Variants in LRRC7 observed in about 807,000 individuals in gnomAD.
LRRC7 encodes the protein leucine rich repeat containing 7, also known as leucine-rich repeat-containing protein 7.
LRRC7 carries 23 observed loss-of-function variants against 175.7 expected under a neutral mutation model. The observed-to-expected ratio is 0.13, with a 90% confidence interval of 0.09 to 0.19. The LOEUF (loss-of-function observed/expected upper bound fraction) is 0.19, where lower values mean the gene tolerates loss of function less well. Ranked by LOEUF, LRRC7 falls within the 10% of genes least tolerant of loss-of-function variation. The pLI is 1.00. For missense variants in LRRC7, 1,354 were observed against 1,904.7 expected (o/e 0.71, Z 5.38); for synonymous variants, 685 against 680.9 (o/e 1.01, Z -0.09).
intron 2 of LRRC7, among the ~76,000 whole-genome samples, chr1:69,718,867 G>A (rs1666043941): frequency 6.6e-6 from 1 of 151,800 alleles, no homozygotes. Flanking sequence ...TTTGGATATT[G>A]CAATTAGTCA....
At chr1:69,984,383 G>A (rs1192690877) in intron 9 of LRRC7, among the ~76,000 whole-genome samples, 1 of 152,134 alleles carries the variant, frequency 6.6e-6, no homozygotes, top group East Asian at 1.9e-4. Flanking sequence ...ATAAATTTAT[G>A]TATTTATTGT....
In LRRC7 at chr1:70,121,877, T is replaced by C. The variant is rs746947342; in HGVS notation, c.4718T>C (p.Leu1573Pro). The C allele has an allele frequency of 2.5e-6, 4 of 1,595,756 alleles. No homozygotes were observed. In the South Asian group the frequency reaches 3.3e-5, roughly 13 times the overall value. The change falls in exon 27 of 27, where the codon CTT becomes CCT. Residue 1573 changes from leucine to proline, a missense_variant. Transcript: ENST00000651989. ...NTVDLVIQRE[L>P]TV ...GTAGACCTAGTTATTCAACGTGAGC[T>C]TACTGTCTAAATATTTTTTATAAAT...
In LRRC7 at chr1:69,583,039, TAAAC is replaced by T. The variant is rs202190471; in HGVS notation, c.2+14400_2+14403del. 2.1e-3 allele frequency among the ~76,000 whole-genome samples: 313 copies of T among 152,140 alleles called. 1 individual carries two copies. In the East Asian group the frequency reaches 0.028, roughly 14 times the overall value. ...CTAAACAAATCAGTTTTAGTTTGGT[TAAAC>T]AGTTTCTTTCAAGCACTGAAGTTTA... is the stretch of plus-strand genomic sequence containing the variant. On this transcript the variant is annotated intron_variant, in intron 1 of 26. Transcript: ENST00000651989.
chr1:69,742,177 G>GT lies in LRRC7; in HGVS notation c.101-18013dup, dbSNP rs764048636. 5.9e-5 allele frequency among the ~76,000 whole-genome samples: 9 copies of GT among 152,100 alleles called. No individual in the cohort carries two copies. The East Asian group carries it at 1.7e-3, about 29-fold the overall frequency. ...GTGAGTACATGAAATAATTGGAATTGTAAGTATTACTTTTGGAGAAGATAT... is the reference window on the plus strand; with the variant it reads ...GTGAGTACATGAAATAATTGGAATTGTTAAGTATTACTTTTGGAGAAGATAT... On this transcript the variant is annotated intron_variant, in intron 2 of 26. Transcript: ENST00000651989.
intron 2 of LRRC7, among the ~76,000 whole-genome samples, chr1:69,689,995 A>C (rs1015235660): frequency 6.6e-6 from 1 of 152,168 alleles, no homozygotes; most frequent in Non-Finnish European, 1.5e-5. Flanking sequence ...AGTTAATGCA[A>C]ATTTGGTACC....
At position 70,105,415 on chromosome 1, in the gene LRRC7, T is replaced by TA. The variant is rs558523671; in HGVS notation, c.4546-2328dup. Among the ~76,000 whole-genome samples the TA allele has an allele frequency of 2.6e-3, 396 of 151,470 alleles. 1 individual carries two copies. Among genetic ancestry groups the TA allele is most frequent in the Middle Eastern group, 0.024 (7 of 294 alleles). On this transcript the variant is annotated intron_variant, in intron 25 of 26. Coordinates refer to ENST00000651989, the MANE Select transcript of LRRC7 (RefSeq NM_001370785.2). The stretch of plus-strand genomic sequence containing the variant: ...ATAAGAAAACACAAATAAGGAAAAA[T>TA]AAAAAAAAATCTGATGTCCCATTAC...
At chr1:70,048,465 G>C (rs968074636) in intron 22 of LRRC7, among the ~76,000 whole-genome samples, 4 of 152,014 alleles carry the variant, frequency 2.6e-5, no homozygotes, top group Non-Finnish European at 5.9e-5. Flanking sequence ...ATCTGCTTCT[G>C]CCTGGTGCCC....
chr1:69,666,833 T>G (rs1465532368), intron 1 of LRRC7, among the ~76,000 whole-genome samples: 1 of 152,106 alleles, frequency 6.6e-6, no homozygotes, highest in Non-Finnish European at 1.5e-5. Flanking sequence ...TTTTATTATG[T>G]CTTTTCTTCT....
intron 1 of LRRC7, chr1:69,606,792 C>G (rs1440488351): frequency 6.6e-6 from 1 of 152,054 alleles, no homozygotes; most frequent in South Asian, 2.1e-4. Flanking sequence ...ATTGCAACAA[C>G]GGCCAACAAA....
At chr1:69,685,089 A>T (rs182412312) in intron 2 of LRRC7, among the ~76,000 whole-genome samples, 1 of 152,166 alleles carries the variant, frequency 6.6e-6, no homozygotes, top group South Asian at 2.1e-4. Flanking sequence ...ACTCTAGCGG[A>T]TGACACCAGC....
chr1:69,574,089 C>A (rs1293168789), intron 1 of LRRC7, among the ~76,000 whole-genome samples: 3 of 151,926 alleles, frequency 2.0e-5, no homozygotes, highest in African/African-American at 7.3e-5. Flanking sequence ...AACAGTGGAA[C>A]TCTAGGATAC....
intron 23 of LRRC7, among the ~76,000 whole-genome samples, chr1:70,070,290 C>T (rs1045394652): frequency 1.3e-5 from 2 of 152,266 alleles, no homozygotes; most frequent in African/African-American, 4.8e-5. Context: ...CTACAATGCC[C>T]GGGATCTTTG....
At chr1:69,593,806 A>G (rs193119545) in intron 1 of LRRC7, among the ~76,000 whole-genome samples, 2 of 152,284 alleles carry the variant, frequency 1.3e-5, no homozygotes, top group African/African-American at 2.4e-5. Context: ...GCAGTCAGGT[A>G]AACCCGATCT....
rs148182676 is a variant in LRRC7 at position 69,984,983 on chromosome 1, C to T, written c.787-1259C>T. On this transcript the variant is annotated intron_variant, in intron 9 of 26. Coordinates refer to ENST00000651989, the MANE Select transcript of LRRC7 (RefSeq NM_001370785.2). ...ACTCTTCCTCAAACATAGCATGCTT[C>T]GTCACACTTTATAAAGGCACGTGCT... 2.7e-3 allele frequency among the ~76,000 whole-genome samples: 407 copies of T among 152,258 alleles called. 2 individuals carry two copies. The highest frequency in any genetic ancestry group is 4.0e-3 in the Non-Finnish European group (274 of 68,020).
chr1:69,851,143 G>A (rs1682934290), intron 7 of LRRC7, among the ~76,000 whole-genome samples: 1 of 152,074 alleles, frequency 6.6e-6, no homozygotes. Flanking sequence ...AATTAAGAAG[G>A]AAAAAGAAAA....
chr1:69,626,642 G>C (rs1297231510), intron 1 of LRRC7, among the ~76,000 whole-genome samples: 3 of 151,518 alleles, frequency 2.0e-5, no homozygotes, highest in Non-Finnish European at 4.4e-5. Context: ...ATATACATTT[G>C]CCATGCTGGT....
rs577047180 is a variant in LRRC7 at position 70,125,791 on chromosome 1, C to CAA, written c.*3924_*3925dup. Among the ~76,000 whole-genome samples the CAA allele has an allele frequency of 1.6e-3, 142 of 87,106 alleles. No homozygotes were observed. Among genetic ancestry groups the CAA allele is most frequent in the Middle Eastern group, 7.7e-3 (1 of 130 alleles). The allele number at this position is 87,106 out of a possible 152,430, so 57.1% of individuals were successfully genotyped here. ...TGGGCGACAGAGCGAGACTCCGTCTCAAAAAAAAAAAAAAAAAAAAAGAGA... is the reference window on the plus strand; with the variant it reads ...TGGGCGACAGAGCGAGACTCCGTCTCAAAAAAAAAAAAAAAAAAAAAAAGAGA... On this transcript the variant is annotated 3_prime_UTR_variant, in exon 27 of 27. Transcript: ENST00000651989.
chr1:69,606,061 T>A (rs1264954493), intron 1 of LRRC7, among the ~76,000 whole-genome samples: 1 of 152,214 alleles, frequency 6.6e-6, no homozygotes, highest in Non-Finnish European at 1.5e-5. Context: ...AGTGCGTATA[T>A]GTTTATACAT....
intron 2 of LRRC7, among the ~76,000 whole-genome samples, chr1:69,716,962 C>T (rs1454031030): frequency 6.6e-6 from 1 of 151,392 alleles, no homozygotes; most frequent in Non-Finnish European, 1.5e-5. Flanking sequence ...AATACTAAAG[C>T]TAAAAGGATT....
Sources: allele counts gnomAD v4.1 joint callset (sites outside exome capture counted in the v4.1 genomes callset), GRCh38; gene constraint gnomAD v4.1.1; transcripts MANE v1.5; gene names NCBI Gene and HGNC (gene_info 2026-07-23, HGNC 2026-07-21).